The following MAP3K19 variants were observed in gnomAD, a reference collection of about 807,000 sequenced individuals.
MAP3K19 encodes SPS1/STE20-related protein kinase YSK4.
Under a neutral mutation model 114.4 loss-of-function variants are expected in MAP3K19, and 91 were observed. The observed-to-expected ratio is 0.80, with a 90% CI of 0.67 to 0.95. The LOEUF (loss-of-function observed/expected upper bound fraction) is 0.95, where lower values mean the gene tolerates loss of function less well. Among genes scored for constraint, MAP3K19 ranks in the 40% least tolerant of loss-of-function variants. The pLI is 0.00. For missense variants in MAP3K19, 1,471 were observed against 1,573.2 expected, an observed-to-expected ratio of 0.94 and a Z score of 1.10; for synonymous variants, 518 against 530.5, an observed-to-expected ratio of 0.98 and a Z score of 0.32.
At chr2:134,969,058 C>A (rs1381477128) in intron 12 of MAP3K19, among the ~76,000 whole-genome samples, 1 of 152,152 alleles carries the variant, frequency 6.6e-6, no homozygotes, top group Non-Finnish European at 1.5e-5. Context: ...AGCCTGGGCA[C>A]CATTGAGCAC....
Position 134,999,036 on chromosome 2 carries a change from G to A in MAP3K19, c.315-39C>T. ...GAAATGTTTGATTTAAAACTCAGTT[G>A]CCACATCTTCTGGATCTCCAGTCCT... On this transcript the variant is annotated intron_variant, in intron 7 of 12. Coordinates refer to ENST00000392915, the MANE Select transcript of MAP3K19 (RefSeq NM_025052.5). The surrounding 1 kb of genome is among the most constrained non-coding windows in gnomAD (Gnocchi z 4.1). 2 of 1,588,460 alleles carry A rather than the reference G, an allele frequency of 1.3e-6. No homozygotes were observed. Among genetic ancestry groups the A allele is most frequent in the Non-Finnish European group, 1.7e-6 (2 of 1,169,120 alleles).
intron 8 of MAP3K19, among the ~76,000 whole-genome samples, chr2:134,992,030 A>C (rs939940400): frequency 2.0e-5 from 3 of 152,196 alleles, no homozygotes; most frequent in African/African-American, 7.2e-5. Flanking sequence ...CCTCCAGAGA[A>C]GGAGAGAGCA....
At chr2:135,008,937 C>T (rs1687022984) in intron 5 of MAP3K19, among the ~76,000 whole-genome samples, 1 of 151,694 alleles carries the variant, frequency 6.6e-6, no homozygotes, top group Admixed American at 6.6e-5. Flanking sequence ...TACCACCATG[C>T]CCTGCCCCTT....
chr2:135,045,543 A>G (rs1419069769), intron 1 of MAP3K19, among the ~76,000 whole-genome samples: 1 of 152,264 alleles, frequency 6.6e-6, no homozygotes, highest in Non-Finnish European at 1.5e-5. Flanking sequence ...TCAAATAACA[A>G]CTAGGCAAGA....
intron 2 of MAP3K19, among the ~76,000 whole-genome samples, chr2:135,035,202 G>T (rs1451561762): frequency 7.9e-5 from 12 of 152,156 alleles, no homozygotes; most frequent in Non-Finnish European, 1.6e-4. Flanking sequence ...TTCAAGACCA[G>T]CCTGGGCAAC....
chr2:135,028,882 T>C (rs1688315251), intron 3 of MAP3K19, among the ~76,000 whole-genome samples: 1 of 152,206 alleles, frequency 6.6e-6, no homozygotes, highest in Non-Finnish European at 1.5e-5. Flanking sequence ...AATTTTTTTT[T>C]TTAGTCGCTA....
At chr2:135,012,184 C>T (rs1288769645) in intron 5 of MAP3K19, among the ~76,000 whole-genome samples, 1 of 152,090 alleles carries the variant, frequency 6.6e-6, no homozygotes, top group Non-Finnish European at 1.5e-5. Context: ...TAATTCTTGG[C>T]TGTGGGGGCT....
chr2:135,033,282 G>A (rs1431192036), intron 2 of MAP3K19, among the ~76,000 whole-genome samples: 2 of 121,504 alleles, frequency 1.6e-5, no homozygotes, highest in Non-Finnish European at 3.2e-5. Context: ...GCGGCTGGCC[G>A]GGCAGAGGGG....
At chr2:134,967,199 C>G (rs1251082231) in intron 12 of MAP3K19, among the ~76,000 whole-genome samples, 1 of 152,170 alleles carries the variant, frequency 6.6e-6, no homozygotes, top group Non-Finnish European at 1.5e-5. Context: ...CTCAATAAAT[C>G]AGGGGCAACA....
intron 3 of MAP3K19, among the ~76,000 whole-genome samples, chr2:135,029,139 G>A (rs1348490055): frequency 6.6e-6 from 1 of 152,206 alleles, no homozygotes; most frequent in Admixed American, 6.5e-5. Flanking sequence ...TTGGGAGGCC[G>A]AGGCGGGCAG....
Position 134,987,609 on chromosome 2 carries a change from T to C in MAP3K19, c.1263A>G (p.Ser421=). The C allele has an allele frequency of 1.2e-6, 2 of 1,614,124 alleles. No individual in the cohort carries two copies. Among genetic ancestry groups the C allele is most frequent in the Non-Finnish European group, 1.7e-6 (2 of 1,180,020 alleles). ...GTTCCATTGCTTCATTTTTATGTAA[T>C]GAAACTCTTTTTGAAGCAGCTTTAT... ...RNNKAASKRV[S]LHKNEAMEPN... Residue 421 remains serine, a synonymous_variant, in exon 10 of 13, where the codon TCA becomes TCG. Coordinates refer to ENST00000392915, the MANE Select transcript of MAP3K19 (RefSeq NM_025052.5).
At chr2:134,977,047 GAA>G (rs369837575) in intron 12 of MAP3K19, among the ~76,000 whole-genome samples, 19 of 116,118 alleles carry the variant, frequency 1.6e-4, no homozygotes, top group South Asian at 2.8e-4. Context: ...CTCCGTCTCG[GAA>G]AAAAAAAAAA....
intron 6 of MAP3K19, among the ~76,000 whole-genome samples, chr2:135,004,197 T>C (rs1394500453): frequency 6.6e-6 from 1 of 152,216 alleles, no homozygotes; most frequent in Non-Finnish European, 1.5e-5. Flanking sequence ...TTTAACCTCC[T>C]GGAAGGTGCT....
chr2:135,028,720 T>C (rs1169486361), intron 3 of MAP3K19, among the ~76,000 whole-genome samples: 1 of 152,206 alleles, frequency 6.6e-6, no homozygotes, highest in Non-Finnish European at 1.5e-5. Context: ...ACCTAAATTG[T>C]TCATTTTATA....
intron 12 of MAP3K19, among the ~76,000 whole-genome samples, chr2:134,980,511 G>A (rs1684558651): frequency 6.6e-6 from 1 of 152,174 alleles, no homozygotes; most frequent in Non-Finnish European, 1.5e-5. Flanking sequence ...CTAGGAAGAT[G>A]TCTCATTGGT....
At chr2:135,035,856 C>T (rs770867812) in intron 2 of MAP3K19, among the ~76,000 whole-genome samples, 5 of 152,022 alleles carry the variant, frequency 3.3e-5, no homozygotes, top group Non-Finnish European at 5.9e-5. Context: ...CTTTTTGAGA[C>T]GGAGTTTCAC....
At chr2:134,973,411 GT>G (rs1684009127) in intron 12 of MAP3K19, among the ~76,000 whole-genome samples, 1 of 152,114 alleles carries the variant, frequency 6.6e-6, no homozygotes. Context: ...CATAAAGTGT[GT>G]TTTATCTGAT....
At chr2:135,034,869 G>T (rs1245437639) in intron 2 of MAP3K19, among the ~76,000 whole-genome samples, 1 of 125,134 alleles carries the variant, frequency 8.0e-6, no homozygotes, top group Non-Finnish European at 1.8e-5. Context: ...GGGAGAGGGA[G>T]AGGGAGAGGG....
intron 2 of MAP3K19, among the ~76,000 whole-genome samples, chr2:135,036,666 T>C (rs898294922): frequency 6.7e-6 from 1 of 150,144 alleles, no homozygotes; most frequent in African/African-American, 2.5e-5. Context: ...TGTGTGTGTG[T>C]GTGTGTGTGT....
Sources: gnomAD v4.1 joint callset for allele counts (sites outside exome capture counted in the v4.1 genomes callset) on GRCh38, gnomAD v4.1.1 for gene constraint, Gnocchi (gnomAD v3.1) non-coding constraint, MANE v1.5 for transcripts, NCBI Gene and HGNC (gene_info 2026-07-23, HGNC 2026-07-21) for gene names.